FBXW11: variants seen among roughly 807,000 people sequenced by gnomAD.
The protein encoded by FBXW11 is F-box/WD repeat-containing protein 11.
FBXW11 carries 19 observed loss-of-function variants against 77.6 expected under a neutral mutation model. The observed-to-expected ratio is 0.24, with a 90% confidence interval of 0.17 to 0.36. The LOEUF (loss-of-function observed/expected upper bound fraction) is 0.36. FBXW11 is among the 10% of genes least tolerant of loss of function. The probability of loss-of-function intolerance (pLI) is 1.00; values close to 1 mark genes in which losing one functional copy is unlikely to be tolerated. For synonymous variants in FBXW11, 235 were observed against 249.4 expected (o/e 0.94, Z 0.54); for missense variants, 334 against 704.2 (o/e 0.47, Z 5.95).
rs59324690 is a variant in FBXW11, at chr5:171,932,954, CAAAAAAAA to C, written c.148-18557_148-18550del. ...CAACATAGGGAGACTCTGCCTCTAC[CAAAAAAAA>C]AAAAAAAAAAAAAAAAAATTTAGTC... On this transcript the variant is annotated intron_variant, in intron 2 of 13. Coordinates refer to ENST00000517395, the MANE Select transcript of FBXW11 (RefSeq NM_001378974.1). 1.6e-3 allele frequency among the ~76,000 whole-genome samples: 82 copies of C among 50,252 alleles called. 1 individual carries two copies. The highest frequency in any genetic ancestry group is 8.0e-3 in the South Asian group (9 of 1,132). The allele number at this position is 50,252 out of a possible 152,430, so 33.0% of individuals were successfully genotyped here.
chr5:171,966,030 G>A (rs917593129), intron 1 of FBXW11, among the ~76,000 whole-genome samples: 16 of 151,994 alleles, frequency 1.1e-4, no homozygotes, highest in Admixed American at 9.8e-4. Flanking sequence ...TTTCCCCTTT[G>A]CCTTCAGCCA....
rs1391091881 is a variant in FBXW11, at chr5:171,868,691, T to C, written c.1636A>G (p.Ser546Gly). 1 of 1,613,976 alleles carries C rather than the reference T, an allele frequency of 6.2e-7. No homozygotes were observed. The highest frequency in any genetic ancestry group is 8.5e-7 in the Non-Finnish European group (1 of 1,179,924). ...LIWDFLNVPP[S>G]AQNETRSPSR... The stretch of plus-strand genomic sequence containing the variant: ...GGAGAACGGGTCTCATTCTGGGCAC[T>C]GGGAGGCACATTTAAGAAATCCCAA... Residue 546 changes from serine (S) to glycine (G), a missense_variant, in exon 13 of 14, where the codon AGT (serine) becomes GGT (glycine). Around this residue, in one of 10 missense-constraint regions of FBXW11, gnomAD observed 20 missense variants for 26.8 expected, o/e 0.75. Coordinates refer to ENST00000517395, the MANE Select transcript of FBXW11 (RefSeq NM_001378974.1).
intron 5 of FBXW11, 131 bp from the exon 6 acceptor site, chr5:171,899,225 G>A: frequency 1.7e-6 from 1 of 579,690 alleles, no homozygotes; most frequent in Non-Finnish European, 2.9e-6. Flanking sequence ...TTCAAAAGCA[G>A]GATTTCTGAC....
intron 2 of FBXW11, among the ~76,000 whole-genome samples, chr5:171,932,531 T>C (rs1039066632): frequency 6.6e-6 from 1 of 152,164 alleles, no homozygotes; most frequent in Non-Finnish European, 1.5e-5. Flanking sequence ...ATGTATATAA[T>C]GTGTAGTGAT....
At chr5:171,979,442 A>G (rs887367831) in intron 1 of FBXW11, among the ~76,000 whole-genome samples, 8 of 152,276 alleles carry the variant, frequency 5.3e-5, no homozygotes, top group African/African-American at 1.9e-4. Flanking sequence ...TTCTTTTTCC[A>G]TCTTACTTTA....
chr5:171,992,439 A>C (rs1765793175), intron 1 of FBXW11, among the ~76,000 whole-genome samples: 1 of 151,806 alleles, frequency 6.6e-6, no homozygotes, highest in Non-Finnish European at 1.5e-5. Flanking sequence ...AAAAAGAGAG[A>C]AAGGGGGAGA....
At chr5:171,945,438 CCT>C (rs1554103685) in intron 2 of FBXW11, among the ~76,000 whole-genome samples, 1 of 152,114 alleles carries the variant, frequency 6.6e-6, no homozygotes, top group Non-Finnish European at 1.5e-5. Context: ...GGTAGATACC[CCT>C]GTTTAGGTCA....
intron 1 of FBXW11, among the ~76,000 whole-genome samples, chr5:171,962,326 G>C (rs17074199): frequency 2.6e-5 from 4 of 152,074 alleles, no homozygotes; most frequent in African/African-American, 9.7e-5. Context: ...GAAGACTTTG[G>C]AGGGTCAAAA....
At position 171,986,641 on chromosome 5, in the gene FBXW11, C is replaced by T. The variant is rs549378069; in HGVS notation, c.45+19817G>A. On this transcript the variant is annotated intron_variant, in intron 1 of 13. Coordinates refer to ENST00000517395, the MANE Select transcript of FBXW11 (RefSeq NM_001378974.1). ...ACTTAGGAGGCTGAGATAGGAGAATCGCTTGAACCTAGGAAGTAAGGGTTG... is the reference window on the plus strand; with the variant it reads ...ACTTAGGAGGCTGAGATAGGAGAATTGCTTGAACCTAGGAAGTAAGGGTTG... Among the ~76,000 whole-genome samples, 6 of 151,236 alleles carry T rather than the reference C, an allele frequency of 4.0e-5. No individual in the cohort carries two copies. In the East Asian group the frequency reaches 5.9e-4, roughly 15 times the overall value.
At chr5:171,974,443 GA>G (rs1159401667) in intron 1 of FBXW11, among the ~76,000 whole-genome samples, 2,077 of 106,346 alleles carry the variant, frequency 0.02, 30 homozygotes, top group African/African-American at 0.052. Context: ...TCAAAAAAAA[GA>G]AAAAAAAAAA....
chr5:171,998,994 G>C lies in FBXW11; in HGVS notation c.45+7464C>G, dbSNP rs1339409019. On this transcript the variant is annotated intron_variant, in intron 1 of 13. Transcript: ENST00000517395. ...AGATGTTCTGATTGTTCATATTGTA[G>C]GTAAGGCAATTAAAGTGACTGAAAT... 3.3e-5 allele frequency among the ~76,000 whole-genome samples: 5 copies of C among 151,998 alleles called. No individual in the cohort carries two copies. In the East Asian group the frequency reaches 9.6e-4, roughly 29 times the overall value.
intron 1 of FBXW11, among the ~76,000 whole-genome samples, chr5:172,003,953 C>A (rs1216605691): frequency 1.3e-5 from 2 of 152,208 alleles, no homozygotes; most frequent in African/African-American, 4.8e-5. Flanking sequence ...AGCACAATCA[C>A]AAATATTTGA....
At chr5:171,903,401 T>C (rs1581176067) in intron 4 of FBXW11, among the ~76,000 whole-genome samples, 1 of 152,144 alleles carries the variant, frequency 6.6e-6, no homozygotes, top group East Asian at 1.9e-4. Flanking sequence ...CCTGGCTGCC[T>C]TTCTTCCATC....
intron 6 of FBXW11, among the ~76,000 whole-genome samples, chr5:171,892,443 T>C (rs995997919): frequency 6.6e-6 from 1 of 152,246 alleles, no homozygotes; most frequent in African/African-American, 2.4e-5. Context: ...CACTCAGTTC[T>C]TTCCGACTCC....
chr5:171,901,086 A>C (rs1287910412), intron 4 of FBXW11, among the ~76,000 whole-genome samples: 1 of 152,220 alleles, frequency 6.6e-6, no homozygotes, highest in Non-Finnish European at 1.5e-5. Context: ...TACTAGTTCT[A>C]TGACATGAAA....
chr5:171,995,311 TATAAA>T (rs1460463339), intron 1 of FBXW11, among the ~76,000 whole-genome samples: 3 of 152,234 alleles, frequency 2.0e-5, no homozygotes, highest in Non-Finnish European at 4.4e-5. Context: ...TACTTCCCTG[TATAAA>T]GCACATCTTG....
chr5:171,944,100 G>C (rs890041300), intron 2 of FBXW11, among the ~76,000 whole-genome samples: 1 of 152,030 alleles, frequency 6.6e-6, no homozygotes, highest in Non-Finnish European at 1.5e-5. Flanking sequence ...ACAAGTTATG[G>C]AAAGTTCATA....
intron 4 of FBXW11, among the ~76,000 whole-genome samples, chr5:171,905,492 C>A (rs1760420505): frequency 6.6e-6 from 1 of 152,068 alleles, no homozygotes; most frequent in South Asian, 2.1e-4. Context: ...TCCCCCAAAT[C>A]CTCTCAGCAG....
intron 1 of FBXW11, among the ~76,000 whole-genome samples, chr5:171,986,600 G>A (rs968569194): frequency 5.9e-5 from 9 of 151,972 alleles, no homozygotes; most frequent in African/African-American, 1.2e-4. Context: ...GGTGGTGTGC[G>A]CCTGTAGTCC....
Sources: allele counts gnomAD v4.1 joint callset (sites outside exome capture counted in the v4.1 genomes callset), GRCh38; gene constraint gnomAD v4.1.1; regional missense constraint gnomAD v4.1.1; transcripts MANE v1.5; gene names NCBI Gene and HGNC (gene_info 2026-07-23, HGNC 2026-07-21).